TMEM259: variants seen among roughly 807,000 people sequenced by gnomAD.
The protein encoded by TMEM259 is transmembrane protein 259, also known as membralin.
TMEM259 carries 26 observed loss-of-function variants against 46.7 expected under a neutral mutation model. The observed-to-expected ratio is 0.56, with a 90% CI of 0.41 to 0.77. The LOEUF (loss-of-function observed/expected upper bound fraction) is 0.77, where lower values mean the gene tolerates loss of function less well. TMEM259 is among the 30% of genes least tolerant of loss of function. The pLI, the probability that TMEM259 is intolerant of heterozygous loss-of-function variation, is 0.00. For missense variants in TMEM259, 930 were observed against 900.5 expected, an observed-to-expected ratio of 1.03 and a Z score of -0.42; for synonymous variants, 494 against 395.1, an observed-to-expected ratio of 1.25 and a Z score of -2.97.
chr19:1,012,659 G>A lies in TMEM259; in HGVS notation c.608-86C>T. 4 of 1,500,692 alleles carry A rather than the reference G, an allele frequency of 2.7e-6. No individual in the cohort carries two copies. The South Asian group carries it at 5.1e-5, about 19-fold the overall frequency. The allele number at this position is 1,500,692 out of a possible 1,614,324, so 93.0% of individuals were successfully genotyped here. A position where few individuals can be genotyped will look rare whatever the true frequency, so the allele number is the denominator to read the frequency against. ...GCAGGCAAGGCAGGCGTTGAGGGGT[G>A]GAGGGTGAGACCTGCTGAGCCCTGG... On this transcript the variant is annotated intron_variant, in intron 3 of 10. Transcript: ENST00000356663.
At position 1,020,680 on chromosome 19, in the gene TMEM259, C is replaced by T; in HGVS notation, c.225+92G>A. On this transcript the variant is annotated intron_variant, in intron 1 of 10. Coordinates refer to ENST00000356663, the MANE Select transcript of TMEM259 (RefSeq NM_001033026.2). This position sits in a 1 kb window ranked among gnomAD's most constrained non-coding sequence, Gnocchi z 4.0. ...GGGTGCAGGGTGGCGCTCGCTGTCC[C>T]CAGCGGGGCCAGGGGTCGCGGTCGG... 1.0e-6 allele frequency: 1 copy of T among 987,212 alleles called. No homozygotes were observed. Among genetic ancestry groups the T allele is most frequent in the Non-Finnish European group, 1.3e-6 (1 of 753,482 alleles). The allele number at this position is 987,212 out of a possible 1,614,324, so 61.2% of individuals were successfully genotyped here.
rs374368677 is a variant in TMEM259, at chr19:1,011,322, C to T, written c.1217+45G>A. On this transcript the variant is annotated intron_variant, in intron 9 of 10. Coordinates refer to ENST00000356663, the MANE Select transcript of TMEM259 (RefSeq NM_001033026.2). The stretch of plus-strand genomic sequence containing the variant: ...CCCTCCCTCTGGCAGCCCCCTACCC[C>T]TGCCCACCAGCACCCACTCCACCCT... The T allele has an allele frequency of 1.0e-4, 159 of 1,549,710 alleles. No homozygotes were observed. In the African/African-American group the frequency reaches 2.0e-3, roughly 19 times the overall value.
chr19:1,016,998 G>C (rs1434730677), intron 1 of TMEM259, among the ~76,000 whole-genome samples: 1 of 152,202 alleles, frequency 6.6e-6, no homozygotes, highest in African/African-American at 2.4e-5. Flanking sequence ...TGCTGACCGA[G>C]CTCAGGGCCC....
chr19:1,017,094 C>T (rs2039136073), intron 1 of TMEM259, among the ~76,000 whole-genome samples: 1 of 152,114 alleles, frequency 6.6e-6, no homozygotes, highest in Non-Finnish European at 1.5e-5. Flanking sequence ...TTCAGTCTCC[C>T]ACCACAAAAC....
intron 3 of TMEM259, 105 bp from the exon 4 acceptor site, chr19:1,012,678 G>A: frequency 2.1e-6 from 3 of 1,445,268 alleles, no homozygotes; most frequent in South Asian, 2.7e-5. Flanking sequence ...GACCTGCTGA[G>A]CCCTGGGCCC....
intron 1 of TMEM259, among the ~76,000 whole-genome samples, chr19:1,015,855 C>G (rs1283110857): frequency 2.0e-5 from 3 of 152,204 alleles, no homozygotes; most frequent in African/African-American, 4.8e-5. Flanking sequence ...GGCCTCCTCT[C>G]CAGAACCCTC....
At position 1,011,076 on chromosome 19, in the gene TMEM259, G is replaced by A; in HGVS notation, c.1317+20C>T. The A allele has an allele frequency of 6.4e-7, 1 of 1,568,572 alleles. No individual in the cohort carries two copies. Among genetic ancestry groups the A allele is most frequent in the Admixed American group, 1.9e-5 (1 of 53,982 alleles). On this transcript the variant is annotated intron_variant, in intron 10 of 10. Coordinates refer to ENST00000356663, the MANE Select transcript of TMEM259 (RefSeq NM_001033026.2). Reference sequence around the variant, plus strand: ...GAAAGGCACGGCTGGCCTGCCCCCTGCTTGCCGCCCAGGCCTCACCTGGAT... The same window carrying A: ...GAAAGGCACGGCTGGCCTGCCCCCTACTTGCCGCCCAGGCCTCACCTGGAT...
chr19:1,020,087 A>G lies in TMEM259; in HGVS notation c.225+685T>C, dbSNP rs10413761. 0.48 allele frequency among the ~76,000 whole-genome samples: 73,001 copies of G among 151,832 alleles called. 17,965 individuals carry two copies. Among genetic ancestry groups the G allele is most frequent in the African/African-American group, 0.59 (24,380 of 41,418 alleles). On this transcript the variant is annotated intron_variant, in intron 1 of 10. Transcript: ENST00000356663. This position sits in a 1 kb window ranked among gnomAD's most constrained non-coding sequence, Gnocchi z 4.0. ...ACCTGAGCTCCTGAAGCAGGAAGGG[A>G]GTGGGGACCCAGCGGAGGAAGAGGC...
At position 1,013,168 on chromosome 19, in the gene TMEM259, A is replaced by T. The variant is rs2038995112; in HGVS notation, c.607+73T>A. On this transcript the variant is annotated intron_variant, in intron 3 of 10. Transcript: ENST00000356663. ...CAGCAGGCTGGGGATGTTCGGAGGGACCCCGCCTGCACCCCAGCACCCCAT... is the reference window on the plus strand; with the variant it reads ...CAGCAGGCTGGGGATGTTCGGAGGGTCCCCGCCTGCACCCCAGCACCCCAT... The T allele has an allele frequency of 6.7e-6, 9 of 1,344,222 alleles. No homozygotes were observed. The East Asian group carries it at 1.8e-4, about 28-fold the overall frequency. The allele number at this position is 1,344,222 out of a possible 1,614,324, so 83.3% of individuals were successfully genotyped here.
At chr19:1,011,829 G>T (rs778133543) in intron 6 of TMEM259, 31 bp from the exon 7 acceptor site, 1 of 1,586,926 alleles carries the variant, frequency 6.3e-7, no homozygotes, top group Non-Finnish European at 8.6e-7. Context: ...GCGCTATGAG[G>T]GGCTGCGAGG....
rs2039251011 is a variant in TMEM259, at chr19:1,020,370, G to C, written c.225+402C>G. Among the ~76,000 whole-genome samples the C allele has an allele frequency of 6.6e-6, 1 of 152,012 alleles. No homozygotes were observed. Among genetic ancestry groups the C allele is most frequent in the Non-Finnish European group, 1.5e-5 (1 of 67,972 alleles). Reference sequence around the variant, plus strand: ...CTGAGGGTCTCAGGCGGCACAGTCAGGGGTCAAAGGGCGGGAGGTGCTACC... The same window carrying C: ...CTGAGGGTCTCAGGCGGCACAGTCACGGGTCAAAGGGCGGGAGGTGCTACC... On this transcript the variant is annotated intron_variant, in intron 1 of 10. Transcript: ENST00000356663. The surrounding 1 kb of genome is among the most constrained non-coding windows in gnomAD (Gnocchi z 4.0).
Position 1,014,228 on chromosome 19 carries a change from C to G in TMEM259, c.471G>C (p.Glu157Asp). ...NLDMEDEEEE[E>D]LTMEMFGNSS... ...TGTTCCCAAACATCTCCATGGTCAG[C>G]TCTTCCTCCTCCTCATCTTCCATGT... Residue 157 changes from glutamate to aspartate, a missense_variant, in exon 2 of 11, where the codon GAG (glutamate) becomes GAC (aspartate). Glu to Asp is a conservative substitution (Grantham distance 45). Coordinates refer to ENST00000356663, the MANE Select transcript of TMEM259 (RefSeq NM_001033026.2). 2 of 1,612,018 alleles carry G rather than the reference C, an allele frequency of 1.2e-6. No individual in the cohort carries two copies. The highest frequency in any genetic ancestry group is 1.7e-6 in the Non-Finnish European group (2 of 1,178,682).
At chr19:1,018,503 G>A (rs116995059) in intron 1 of TMEM259, among the ~76,000 whole-genome samples, 1 of 152,332 alleles carries the variant, frequency 6.6e-6, no homozygotes, top group Non-Finnish European at 1.5e-5. Flanking sequence ...ATACCAGGGA[G>A]GACCTGGCTC....
At position 1,014,388 on chromosome 19, in the gene TMEM259, T is replaced by C; in HGVS notation, c.311A>G (p.Lys104Arg). 5 of 1,612,910 alleles carry C rather than the reference T, an allele frequency of 3.1e-6. No homozygotes were observed. Among genetic ancestry groups the C allele is most frequent in the Non-Finnish European group, 4.2e-6 (5 of 1,179,888 alleles). ...PINCLEHVRD[K>R]WPREGILRVE... is the part of the protein sequence containing the mutation. ...ACGCAGGATGCCCTCACGCGGCCAC[T>C]TGTCACGCACATGCTCCAGGCAGTT... The change falls in exon 2 of 11, where the codon AAG becomes AGG. Residue 104 changes from lysine (K) to arginine (R), a missense_variant. By Grantham distance (26) the Lys-to-Arg change is conservative (BLOSUM62 2). Coordinates refer to ENST00000356663, the MANE Select transcript of TMEM259 (RefSeq NM_001033026.2).
chr19:1,011,356 G>A lies in TMEM259; in HGVS notation c.1217+11C>T, dbSNP rs369453865. On this transcript the variant is annotated intron_variant, in intron 9 of 10. Transcript: ENST00000356663. ...AGCACCCACTCCACCCTGCCCCCGC[G>A]CCACGCTCACCGCAGCCAATGCCGC... The A allele has an allele frequency of 5.4e-5, 85 of 1,569,666 alleles. No homozygotes were observed. In the African/African-American group the frequency reaches 6.0e-4, roughly 11 times the overall value.
rs1013347441 is a variant in TMEM259, at chr19:1,011,659, G to C, written c.1005C>G (p.Asp335Glu). 1.3e-6 allele frequency: 2 copies of C among 1,545,608 alleles called. No homozygotes were observed. Among genetic ancestry groups the C allele is most frequent in the African/African-American group, 1.4e-5 (1 of 72,900 alleles). Residue 335 changes from aspartate to glutamate, a missense_variant, in exon 8 of 11, where the codon GAC (aspartate) becomes GAG (glutamate). Coordinates refer to ENST00000356663, the MANE Select transcript of TMEM259 (RefSeq NM_001033026.2). ...SHHQIFVFIV[D>E]LLQMLEMNMA... The stretch of plus-strand genomic sequence containing the variant: ...TGTTCATCTCCAGCATCTGCAGCAG[G>C]TCCACTGCGGGCACAGGGCGGCGGG...
chr19:1,013,380 C>A, intron 2 of TMEM259, 40 bp from the exon 3 acceptor site: 1 of 1,604,696 alleles, frequency 6.2e-7, no homozygotes, highest in Middle Eastern at 1.7e-4. Flanking sequence ...CAGCGCCAGC[C>A]CGGGCTGTGA....
Position 1,011,872 on chromosome 19 carries a change from A to G in TMEM259, c.942+20T>C, listed in dbSNP as rs750688476. On this transcript the variant is annotated intron_variant, in intron 6 of 10. Coordinates refer to ENST00000356663, the MANE Select transcript of TMEM259 (RefSeq NM_001033026.2). ...TGGCTCCCGCCCGGCCAGCCCCCGC[A>G]CCCGCCCCGAGGCACTCACGAAGAT... 1 of 1,585,266 alleles carries G rather than the reference A, an allele frequency of 6.3e-7. No individual in the cohort carries two copies. Among genetic ancestry groups the G allele is most frequent in the South Asian group, 1.1e-5 (1 of 89,842 alleles).
At chr19:1,016,303 G>A (rs1268888339) in intron 1 of TMEM259, among the ~76,000 whole-genome samples, 1 of 152,218 alleles carries the variant, frequency 6.6e-6, no homozygotes, top group Non-Finnish European at 1.5e-5. Context: ...CGGAGCCTGA[G>A]ATGCTTTCAA....
Sources: gnomAD v4.1 joint callset for allele counts (sites outside exome capture counted in the v4.1 genomes callset) on GRCh38, gnomAD v4.1.1 for gene constraint, Gnocchi (gnomAD v3.1) non-coding constraint, MANE v1.5 for transcripts, NCBI Gene and HGNC (gene_info 2026-07-23, HGNC 2026-07-21) for gene names.